ASTN2: variants seen among roughly 807,000 people sequenced by gnomAD.
ASTN2 encodes astrotactin 2.
ASTN2 carries 54 observed loss-of-function variants against 139.8 expected under a neutral mutation model. The ratio of observed to expected loss-of-function variants is 0.39; its 90% CI spans 0.31 to 0.48. The LOEUF (loss-of-function observed/expected upper bound fraction) is 0.48, where lower values mean the gene tolerates loss of function less well. Ranked by LOEUF, ASTN2 falls within the 20% of genes least tolerant of loss-of-function variation. The pLI is 0.95. For synonymous variants in ASTN2, 756 were observed against 719.5 expected (o/e 1.05, Z -0.81); for missense variants, 1,565 against 1,725.1 (o/e 0.91, Z 1.64).
chr9:116,437,980 C>T lies in ASTN2; in HGVS notation c.3782+2629G>A, dbSNP rs552332789. The stretch of plus-strand genomic sequence containing the variant: ...CTCAAGGTAAGAGCTCAAGGCAGAA[C>T]TGGCCTCCATGTCAAACTCTGCACA... On this transcript the variant is annotated intron_variant, in intron 22 of 22. Transcript: ENST00000313400. Among the ~76,000 whole-genome samples the T allele has an allele frequency of 1.7e-4, 26 of 152,338 alleles. No individual in the cohort carries two copies. In the South Asian group the frequency reaches 4.6e-3, roughly 27 times the overall value.
intron 5 of ASTN2, among the ~76,000 whole-genome samples, chr9:117,075,549 A>G (rs1828260095): frequency 1.3e-5 from 2 of 151,788 alleles, no homozygotes; most frequent in African/African-American, 2.4e-5. Flanking sequence ...TGGCAATTTC[A>G]TGGTCTCCCT....
chr9:117,222,988 G>A (rs573195825), intron 2 of ASTN2, among the ~76,000 whole-genome samples: 21 of 152,282 alleles, frequency 1.4e-4, no homozygotes, highest in African/African-American at 4.6e-4. Flanking sequence ...TAAACCATGG[G>A]TTCACTATCT....
chr9:116,973,213 A>AAAATGAGC (rs1458553620), intron 10 of ASTN2, among the ~76,000 whole-genome samples: 1 of 152,242 alleles, frequency 6.6e-6, no homozygotes, highest in African/African-American at 2.4e-5. Flanking sequence ...TTGAATCTGA[A>AAAATGAGC]AAATGAGCAT....
At chr9:116,597,736 G>C (rs551871315) in intron 19 of ASTN2, among the ~76,000 whole-genome samples, 3 of 152,230 alleles carry the variant, frequency 2.0e-5, no homozygotes, top group African/African-American at 7.2e-5. Context: ...ATATTGGGTA[G>C]GTGGCTACCT....
At chr9:116,605,264 C>T (rs1855131740) in intron 19 of ASTN2, among the ~76,000 whole-genome samples, 1 of 152,070 alleles carries the variant, frequency 6.6e-6, no homozygotes, top group Non-Finnish European at 1.5e-5. Flanking sequence ...GGGGCACTGA[C>T]CAGCTCCAGA....
intron 10 of ASTN2, among the ~76,000 whole-genome samples, chr9:116,880,673 T>A (rs1047213045): frequency 6.6e-6 from 1 of 152,162 alleles, no homozygotes; most frequent in East Asian, 1.9e-4. Flanking sequence ...TGTGCAAATA[T>A]GCAAATACTG....
intron 1 of ASTN2, among the ~76,000 whole-genome samples, chr9:117,392,269 A>G (rs1331101674): frequency 6.6e-6 from 1 of 152,198 alleles, no homozygotes; most frequent in African/African-American, 2.4e-5. Flanking sequence ...CAAAAGCTAC[A>G]TTGAGAGAAA....
intron 11 of ASTN2, among the ~76,000 whole-genome samples, chr9:116,854,479 C>A (rs770582342): frequency 8.5e-5 from 13 of 152,096 alleles, no homozygotes; most frequent in Non-Finnish European, 1.9e-4. Flanking sequence ...GCCCAGGTTT[C>A]TCTGATGCTA....
intron 2 of ASTN2, among the ~76,000 whole-genome samples, chr9:117,264,191 CTGAGT>C (rs1833890896): frequency 1.3e-5 from 2 of 151,914 alleles, no homozygotes; most frequent in Non-Finnish European, 2.9e-5. Flanking sequence ...CTAGGTGATA[CTGAGT>C]TATTTCTCTG....
chr9:116,682,619 A>G (rs1157888756), intron 16 of ASTN2, among the ~76,000 whole-genome samples: 10 of 152,226 alleles, frequency 6.6e-5, no homozygotes. Flanking sequence ...AAGACTTGGA[A>G]CCAACCCAAA....
At chr9:117,231,276 T>G (rs1832883370) in intron 2 of ASTN2, among the ~76,000 whole-genome samples, 1 of 152,238 alleles carries the variant, frequency 6.6e-6, no homozygotes, top group Non-Finnish European at 1.5e-5. Flanking sequence ...AGATTACAGC[T>G]GTCTACAATG....
intron 1 of ASTN2, among the ~76,000 whole-genome samples, chr9:117,402,504 G>A (rs1045032656): frequency 6.6e-6 from 1 of 152,152 alleles, no homozygotes; most frequent in Non-Finnish European, 1.5e-5. Context: ...GATGTGGGTA[G>A]AGCAGGTTTA....
intron 10 of ASTN2, among the ~76,000 whole-genome samples, chr9:116,883,199 A>G (rs1294187624): frequency 1.3e-5 from 2 of 152,224 alleles, no homozygotes; most frequent in Non-Finnish European, 1.5e-5. Flanking sequence ...ATGTCCTGTG[A>G]AAGTTTAAAA....
At chr9:116,797,947 AC>A (rs576485970) in intron 13 of ASTN2, among the ~76,000 whole-genome samples, 2 of 152,188 alleles carry the variant, frequency 1.3e-5, no homozygotes, top group Non-Finnish European at 2.9e-5. Flanking sequence ...TTACTTAACC[AC>A]TGTGAGCCTC....
chr9:116,453,799 A>C (rs994881008), intron 20 of ASTN2, among the ~76,000 whole-genome samples: 22 of 152,164 alleles, frequency 1.4e-4, no homozygotes, highest in Non-Finnish European at 1.0e-4. Flanking sequence ...GTTTCATTAG[A>C]GCTCCAGTTC....
intron 10 of ASTN2, among the ~76,000 whole-genome samples, chr9:116,927,972 T>C (rs1834800574): frequency 6.6e-6 from 1 of 152,196 alleles, no homozygotes; most frequent in Admixed American, 6.5e-5. Flanking sequence ...TACCCTTTCA[T>C]GTGTATGCAA....
chr9:116,810,837 C>T (rs1313307210), intron 12 of ASTN2, among the ~76,000 whole-genome samples: 1 of 152,116 alleles, frequency 6.6e-6, no homozygotes, highest in African/African-American at 2.4e-5. Context: ...GGCTTCTTTT[C>T]AGTTGTAGAT....
chr9:117,336,311 A>G (rs1207716496), intron 1 of ASTN2, among the ~76,000 whole-genome samples: 1 of 152,142 alleles, frequency 6.6e-6, no homozygotes, highest in African/African-American at 2.4e-5. Context: ...CACCTCCCTC[A>G]TGCTGGGATT....
intron 19 of ASTN2, among the ~76,000 whole-genome samples, chr9:116,609,264 A>G (rs1167338956): frequency 1.3e-5 from 2 of 151,016 alleles, no homozygotes; most frequent in African/African-American, 4.9e-5. Flanking sequence ...TGGCTAATAA[A>G]GAGAAAAGCT....
Sources: allele counts gnomAD v4.1 joint callset (sites outside exome capture counted in the v4.1 genomes callset), GRCh38; gene constraint gnomAD v4.1.1; transcripts MANE v1.5; gene names NCBI Gene and HGNC (gene_info 2026-07-23, HGNC 2026-07-21).